Variants in FILIP1L observed in about 807,000 individuals in gnomAD.
FILIP1L encodes filamin A interacting protein 1 like, also known as filamin A-interacting protein 1-like.
Under a neutral mutation model 96.6 loss-of-function variants are expected in FILIP1L, and 55 were observed. The ratio of observed to expected loss-of-function variants is 0.57; its 90% CI spans 0.46 to 0.71. FILIP1L has a LOEUF of 0.71. FILIP1L is among the 30% of genes least tolerant of loss of function. The pLI, the probability that FILIP1L is intolerant of heterozygous loss-of-function variation, is 0.00. For synonymous variants in FILIP1L, 467 were observed against 473.9 expected (o/e 0.99, Z 0.19); for missense variants, 1,304 against 1,321.2 (o/e 0.99, Z 0.20).
chr3:99,844,769 G>A (rs1943288074), intron 5 of FILIP1L, among the ~76,000 whole-genome samples: 1 of 152,104 alleles, frequency 6.6e-6, no homozygotes, highest in African/African-American at 2.4e-5. Flanking sequence ...TCGTGGGGTG[G>A]TTTCCCCTGC....
intron 1 of FILIP1L, among the ~76,000 whole-genome samples, chr3:99,951,324 T>C (rs977281724): frequency 2.6e-5 from 4 of 152,170 alleles, no homozygotes; most frequent in Admixed American, 6.5e-5. Flanking sequence ...TATATTATTA[T>C]CTAAAGAATT....
chr3:100,029,023 C>T (rs1395219385), intron 1 of FILIP1L, among the ~76,000 whole-genome samples: 1 of 151,986 alleles, frequency 6.6e-6, no homozygotes, highest in East Asian at 1.9e-4. Context: ...AATTATTTTT[C>T]TTTAAAAAAA....
chr3:99,851,032 T>C lies in FILIP1L; in HGVS notation c.644A>G (p.Glu215Gly). Residue 215 changes from glutamate (E) to glycine (G), a missense_variant, in exon 5 of 6, where the codon GAG becomes GGG. Transcript: ENST00000477258. ...KLIDQEIKSQ[E>G]EKEQEKEKRV... is the part of the protein sequence containing the mutation. ...TTTCTCCTTTTCTTGCTCCTTCTCC[T>C]CCTGAGACTTGATTTCTTGATCAAT... The C allele has an allele frequency of 6.2e-7, 1 of 1,601,388 alleles. No homozygotes were observed. Among genetic ancestry groups the C allele is most frequent in the Non-Finnish European group, 8.5e-7 (1 of 1,176,810 alleles).
intron 2 of FILIP1L, 30 bp from the exon 3 acceptor site, chr3:99,930,059 C>T (rs752167559): frequency 6.4e-7 from 1 of 1,571,520 alleles, no homozygotes; most frequent in Admixed American, 1.9e-5. Flanking sequence ...TTCAGAAAGC[C>T]TGCTGTCTCT....
rs1943580451 is a variant in FILIP1L, at chr3:99,849,948, C to G, written c.1728G>C (p.Glu576Asp). ...DLKNKLKAEE[E>D]KGNDLLSRVN... ...CTCTTGACAGGAGATCATTTCCTTT[C>G]TCTTCTTCCGCTTTCAATTTGTTTT... Residue 576 changes from glutamate (E) to aspartate (D), a missense_variant, in exon 5 of 6, where the codon GAG (glutamate) becomes GAC (aspartate). By Grantham distance (45) the Glu-to-Asp change is conservative. Coordinates refer to ENST00000477258, the MANE Select transcript of FILIP1L (RefSeq NM_001387850.1). 2 of 1,613,018 alleles carry G rather than the reference C, an allele frequency of 1.2e-6. No individual in the cohort carries two copies. The highest frequency in any genetic ancestry group is 1.7e-6 in the Non-Finnish European group (2 of 1,179,798).
rs9837440 is a variant in FILIP1L at position 100,078,061 on chromosome 3, T to C, written c.-11+35992A>G. ...ATATTGAGTTATCCTATTTATAAGT[T>C]AGAATTGGGCTTGCTTTAAAAAAAA... On this transcript the variant is annotated intron_variant, in intron 1 of 5. Coordinates refer to ENST00000477258, the MANE Select transcript of FILIP1L (RefSeq NM_001387850.1). 5.0e-3 allele frequency among the ~76,000 whole-genome samples: 763 copies of C among 152,038 alleles called. 5 individuals carry two copies. Among genetic ancestry groups the C allele is most frequent in the African/African-American group, 0.017 (718 of 41,398 alleles).
At chr3:100,093,438 AT>A (rs1411766104) in intron 1 of FILIP1L, among the ~76,000 whole-genome samples, 2 of 152,128 alleles carry the variant, frequency 1.3e-5, no homozygotes, top group Admixed American at 6.5e-5. Context: ...CTTACAAAAA[AT>A]ATATACTTTT....
At chr3:99,973,003 T>C (rs1023119414) in intron 1 of FILIP1L, among the ~76,000 whole-genome samples, 83 of 152,110 alleles carry the variant, frequency 5.5e-4, no homozygotes, top group Non-Finnish European at 7.4e-5. Flanking sequence ...GCCAGAGAAT[T>C]TGGGACAGAA....
chr3:99,989,685 T>TA (rs1491169651), intron 1 of FILIP1L, among the ~76,000 whole-genome samples: 2 of 102,740 alleles, frequency 1.9e-5, no homozygotes, highest in South Asian at 6.9e-4. Context: ...TATATATATA[T>TA]TTTTTTTCTT....
At chr3:99,949,332 A>G in intron 1 of FILIP1L, among the ~76,000 whole-genome samples, 1 of 152,228 alleles carries the variant, frequency 6.6e-6, no homozygotes. Flanking sequence ...CTAAATTTAA[A>G]TAAAACCCTC....
At chr3:99,925,336 A>T (rs1486731126) in intron 3 of FILIP1L, among the ~76,000 whole-genome samples, 1 of 152,190 alleles carries the variant, frequency 6.6e-6, no homozygotes, top group Non-Finnish European at 1.5e-5. Context: ...TGTGGCTGAT[A>T]CATGTGTTTG....
chr3:99,876,309 C>G (rs554567208), intron 4 of FILIP1L: 4 of 587,484 alleles, frequency 6.8e-6, no homozygotes, highest in Non-Finnish European at 8.6e-6. Flanking sequence ...GGCGCAGCCA[C>G]ACACCCCAGC....
intron 4 of FILIP1L, among the ~76,000 whole-genome samples, chr3:99,861,807 A>C (rs1944273081): frequency 6.6e-6 from 1 of 152,166 alleles, no homozygotes; most frequent in African/African-American, 2.4e-5. Flanking sequence ...GCAGAGCGAG[A>C]AATTCAGACT....
At chr3:100,089,048 G>A (rs1052744026) in intron 1 of FILIP1L, among the ~76,000 whole-genome samples, 6 of 152,166 alleles carry the variant, frequency 3.9e-5, no homozygotes, top group Admixed American at 2.0e-4. Flanking sequence ...CCTCTGCTCT[G>A]TAAGGCACCA....
intron 4 of FILIP1L, among the ~76,000 whole-genome samples, chr3:99,919,380 T>C (rs1309192210): frequency 2.0e-5 from 3 of 150,044 alleles, no homozygotes; most frequent in Non-Finnish European, 4.4e-5. Flanking sequence ...TTCAGGATTG[T>C]ATAGGTGAGG....
chr3:99,948,795 GAAGA>G (rs908532175), intron 1 of FILIP1L, among the ~76,000 whole-genome samples: 1 of 151,974 alleles, frequency 6.6e-6, no homozygotes, highest in African/African-American at 2.4e-5. Flanking sequence ...AAGAAAAAGA[GAAGA>G]AAGAAGAGAG....
At chr3:99,879,973 C>T (rs988378035) in intron 4 of FILIP1L, among the ~76,000 whole-genome samples, 1 of 152,260 alleles carries the variant, frequency 6.6e-6, no homozygotes. Context: ...TTGCACCCCA[C>T]GCTACCTTCT....
intron 5 of FILIP1L, chr3:99,847,900 G>A: frequency 1.0e-6 from 1 of 970,686 alleles, no homozygotes; most frequent in Non-Finnish European, 1.2e-6. Context: ...AACACAGAAT[G>A]ACCAAAAGAA....
At chr3:99,962,546 G>A (rs1185101624) in intron 1 of FILIP1L, among the ~76,000 whole-genome samples, 1 of 152,132 alleles carries the variant, frequency 6.6e-6, no homozygotes, top group African/African-American at 2.4e-5. Flanking sequence ...AGAAAGAAGA[G>A]GAAGAGATAA....
Sources: gnomAD v4.1 joint callset for allele counts (sites outside exome capture counted in the v4.1 genomes callset) on GRCh38, gnomAD v4.1.1 for gene constraint, MANE v1.5 for transcripts, NCBI Gene and HGNC (gene_info 2026-07-23, HGNC 2026-07-21) for gene names.